Variants in RASGRF2 observed in about 807,000 individuals in gnomAD.
RASGRF2 encodes ras-specific guanine nucleotide-releasing factor 2.
A neutral mutation model predicts 151.0 loss-of-function variants in RASGRF2; 76 were observed. That is an observed-to-expected ratio of 0.50 (90% CI 0.42 to 0.61). RASGRF2 has a LOEUF of 0.61. Among genes scored for constraint, RASGRF2 ranks in the 20% least tolerant of loss-of-function variants. RASGRF2 has a pLI of 0.00. For synonymous variants in RASGRF2, 504 were observed against 566.5 expected, an observed-to-expected ratio of 0.89 and a Z score of 1.57; for missense variants, 1,148 against 1,564.6, an observed-to-expected ratio of 0.73 and a Z score of 4.49.
rs1750157465 is a variant in RASGRF2 at position 81,029,435 on chromosome 5, C to T, written c.289-13442C>T. 2.0e-5 allele frequency among the ~76,000 whole-genome samples: 3 copies of T among 152,144 alleles called. No homozygotes were observed. In the South Asian group the frequency reaches 6.2e-4, roughly 32 times the overall value. On this transcript the variant is annotated intron_variant, in intron 1 of 26. Coordinates refer to ENST00000265080, the MANE Select transcript of RASGRF2 (RefSeq NM_006909.3). ...CTGACACCTCATATGGCCGGGTGCC[C>T]CTCTGAGATGAAGCTTCCACAGGAA...
intron 2 of RASGRF2, among the ~76,000 whole-genome samples, chr5:81,045,913 T>A (rs1179219086): frequency 6.6e-6 from 1 of 152,208 alleles, no homozygotes; most frequent in East Asian, 1.9e-4. Flanking sequence ...GCAAGAATTA[T>A]CAGCCATTTT....
At chr5:80,981,926 A>G (rs1388524327) in intron 1 of RASGRF2, among the ~76,000 whole-genome samples, 1 of 152,226 alleles carries the variant, frequency 6.6e-6, no homozygotes, top group Non-Finnish European at 1.5e-5. Flanking sequence ...TTACAGTGTC[A>G]TATTTACCTT....
At chr5:81,043,154 C>G (rs1026865436) in intron 2 of RASGRF2, among the ~76,000 whole-genome samples, 171 bp downstream of exon 2, 1 of 152,168 alleles carries the variant, frequency 6.6e-6, no homozygotes, top group Admixed American at 6.5e-5. Flanking sequence ...GGCTACATTC[C>G]AGCTAAAGAT....
At chr5:80,974,865 TA>T (rs1458260787) in intron 1 of RASGRF2, among the ~76,000 whole-genome samples, 1 of 152,200 alleles carries the variant, frequency 6.6e-6, no homozygotes, top group Non-Finnish European at 1.5e-5. Context: ...GAGGCCCTGT[TA>T]TTTTTTTTTC....
chr5:81,059,153 G>A (rs1470737476), intron 2 of RASGRF2, among the ~76,000 whole-genome samples: 2 of 151,276 alleles, frequency 1.3e-5, no homozygotes, highest in African/African-American at 4.9e-5. Flanking sequence ...GGAGGCTGAA[G>A]CCGGTGGATC....
chr5:81,047,050 T>C (rs1750857405), intron 2 of RASGRF2, among the ~76,000 whole-genome samples: 1 of 152,166 alleles, frequency 6.6e-6, no homozygotes, highest in African/African-American at 2.4e-5. Context: ...AGTATTAGAC[T>C]AGGGTGGCAT....
chr5:80,988,975 A>G (rs16878283), intron 1 of RASGRF2, among the ~76,000 whole-genome samples: 2,587 of 151,880 alleles, frequency 0.017, 81 homozygotes, highest in African/African-American at 0.059. Flanking sequence ...GTTGAGCATC[A>G]TAATTGATTT....
intron 2 of RASGRF2, among the ~76,000 whole-genome samples, chr5:81,060,833 A>T (rs925128120): frequency 2.0e-5 from 3 of 152,228 alleles, no homozygotes; most frequent in Non-Finnish European, 4.4e-5. Flanking sequence ...CAAAAGAAGT[A>T]ACTCAAGAAG....
intron 17 of RASGRF2, among the ~76,000 whole-genome samples, chr5:81,157,976 C>A (rs113171019): frequency 0.022 from 3,305 of 152,234 alleles, 117 homozygotes; most frequent in African/African-American, 0.074. Flanking sequence ...AAAAGTACAG[C>A]TTTAAATACA....
intron 12 of RASGRF2, among the ~76,000 whole-genome samples, chr5:81,096,850 G>A (rs1035329215): frequency 6.6e-6 from 1 of 151,888 alleles, no homozygotes; most frequent in African/African-American, 2.4e-5. Context: ...ATTTCTCCAA[G>A]ATGCTATGGG....
intron 1 of RASGRF2, among the ~76,000 whole-genome samples, chr5:80,974,258 C>T (rs1187936173): frequency 6.6e-6 from 1 of 152,240 alleles, no homozygotes; most frequent in Non-Finnish European, 1.5e-5. Flanking sequence ...TTTAATCTGC[C>T]AGTCTGTAGT....
chr5:81,031,006 T>G (rs1008769850), intron 1 of RASGRF2, among the ~76,000 whole-genome samples: 3 of 152,134 alleles, frequency 2.0e-5, no homozygotes, highest in Admixed American at 6.5e-5. Flanking sequence ...AATCCTAGTC[T>G]CTGATAAAAC....
At chr5:81,186,928 C>T (rs1044082135) in intron 18 of RASGRF2, among the ~76,000 whole-genome samples, 2 of 152,208 alleles carry the variant, frequency 1.3e-5, no homozygotes, top group Non-Finnish European at 2.9e-5. Context: ...GCCTCCATTT[C>T]TTCATCTGTA....
chr5:81,066,224 C>T (rs936487556), intron 2 of RASGRF2, among the ~76,000 whole-genome samples: 1 of 152,058 alleles, frequency 6.6e-6, no homozygotes, highest in African/African-American at 2.4e-5. Context: ...CTTCTTTTCC[C>T]TTCCTGTCAC....
intron 15 of RASGRF2, among the ~76,000 whole-genome samples, chr5:81,122,592 A>T (rs1561217950): frequency 6.6e-6 from 1 of 152,232 alleles, no homozygotes; most frequent in Non-Finnish European, 1.5e-5. Flanking sequence ...TGTTGAGTGA[A>T]ATCTTGAATG....
chr5:81,087,449 C>G (rs935644962), intron 9 of RASGRF2: 2 of 641,662 alleles, frequency 3.1e-6, no homozygotes, highest in Admixed American at 2.3e-5. Flanking sequence ...TGGTAACTCC[C>G]GTTGCCAGAT....
intron 17 of RASGRF2, 94 bp from the exon 18 acceptor site, chr5:81,180,081 T>G: frequency 4.3e-6 from 3 of 703,660 alleles, no homozygotes; most frequent in South Asian, 3.3e-5. Context: ...CATCTGTGAG[T>G]TTCGTTAACC....
chr5:81,004,161 A>C (rs933045396), intron 1 of RASGRF2, among the ~76,000 whole-genome samples: 1 of 152,210 alleles, frequency 6.6e-6, no homozygotes, highest in Non-Finnish European at 1.5e-5. Flanking sequence ...TCACAGCCTA[A>C]GAGCATGTAA....
intron 1 of RASGRF2, among the ~76,000 whole-genome samples, chr5:81,032,106 T>C (rs962107792): frequency 2.0e-5 from 3 of 152,098 alleles, no homozygotes; most frequent in African/African-American, 7.2e-5. Context: ...CCAGGAGAAG[T>C]GGAATCCCTG....
Sources: allele counts gnomAD v4.1 joint callset (sites outside exome capture counted in the v4.1 genomes callset), GRCh38; gene constraint gnomAD v4.1.1; transcripts MANE v1.5; gene names NCBI Gene and HGNC (gene_info 2026-07-23, HGNC 2026-07-21).